The following PIK3C2A variants were observed in gnomAD, a reference collection of about 807,000 sequenced individuals.
PIK3C2A encodes phosphatidylinositol 4-phosphate 3-kinase C2 domain-containing subunit alpha.
PIK3C2A carries 97 observed loss-of-function variants against 204.5 expected under a neutral mutation model. The ratio of observed to expected loss-of-function variants is 0.47; its 90% CI spans 0.40 to 0.56. PIK3C2A has a LOEUF of 0.56. Ranked by LOEUF, PIK3C2A falls within the 20% of genes least tolerant of loss-of-function variation. The pLI, the probability that PIK3C2A is intolerant of heterozygous loss-of-function variation, is 0.00. For synonymous variants in PIK3C2A, 653 were observed against 664.4 expected, an observed-to-expected ratio of 0.98 and a Z score of 0.26; for missense variants, 1,735 against 1,969.2, an observed-to-expected ratio of 0.88 and a Z score of 2.25.
chr11:17,196,913 A>G (rs1317112617), intron 1 of PIK3C2A, among the ~76,000 whole-genome samples: 1 of 152,106 alleles, frequency 6.6e-6, no homozygotes, highest in Non-Finnish European at 1.5e-5. Context: ...TCAGGGAAAA[A>G]AAAATTGGAG....
chr11:17,094,432 C>G (rs1848396538), intron 27 of PIK3C2A, 47 bp from the exon 28 acceptor site: 1 of 1,541,244 alleles, frequency 6.5e-7, no homozygotes, highest in African/African-American at 1.4e-5. Context: ...TATTTAAAAC[C>G]TTCTTTCCAG....
In PIK3C2A at chr11:17,169,366, A is replaced by T; in HGVS notation, c.376T>A (p.Ser126Thr). 2 of 1,613,964 alleles carry T rather than the reference A, an allele frequency of 1.2e-6. No individual in the cohort carries two copies. Among genetic ancestry groups the T allele is most frequent in the Non-Finnish European group, 8.5e-7 (1 of 1,179,978 alleles). Residue 126 changes from serine to threonine, a missense_variant, in exon 2 of 33, where the codon TCC becomes ACC. This residue lies in a region of PIK3C2A where 536 missense variants were observed against 546.7 expected (regional missense o/e 0.98). Coordinates refer to ENST00000691414, the MANE Select transcript of PIK3C2A (RefSeq NM_002645.4). The stretch of plus-strand genomic sequence containing the variant: ...CTAAAATAGAGCTGTGCTGAAAAGG[A>T]AGGGCTCAGAATAGGAGTAACTGGT... ...VLPVTPILSPSFSAQLYFRPT... is the reference protein window; with the variant it reads ...VLPVTPILSPTFSAQLYFRPT...
chr11:17,120,668 C>T (rs1590930739), intron 15 of PIK3C2A, among the ~76,000 whole-genome samples: 2 of 152,076 alleles, frequency 1.3e-5, no homozygotes, highest in South Asian at 4.1e-4. Flanking sequence ...TTTATTCATA[C>T]AGAGGCACAC....
chr11:17,154,932 T>A (rs554902726), intron 3 of PIK3C2A, among the ~76,000 whole-genome samples: 173 of 152,318 alleles, frequency 1.1e-3, no homozygotes, highest in African/African-American at 4.0e-3. Flanking sequence ...TATAGTGATA[T>A]AATGGGAAGA....
chr11:17,105,981 C>T (rs1254623312), intron 22 of PIK3C2A, among the ~76,000 whole-genome samples: 1 of 151,800 alleles, frequency 6.6e-6, no homozygotes, highest in Non-Finnish European at 1.5e-5. Flanking sequence ...TGGTGGTAGG[C>T]ACCTGTAATC....
At chr11:17,172,126 C>G (rs1851191059) in intron 1 of PIK3C2A, among the ~76,000 whole-genome samples, 1 of 152,118 alleles carries the variant, frequency 6.6e-6, no homozygotes, top group Admixed American at 6.6e-5. Context: ...AAATTCCTCC[C>G]ATTTCAACAC....
chr11:17,140,349 G>A lies in PIK3C2A; in HGVS notation c.1705-3724C>T, dbSNP rs571225920. ...AAGAAATTAAAACATATATCCATGG[G>A]CTCATACATAAATGTTTATAACAGC... On this transcript the variant is annotated intron_variant, in intron 8 of 32. Coordinates refer to ENST00000691414, the MANE Select transcript of PIK3C2A (RefSeq NM_002645.4). 3.5e-4 allele frequency among the ~76,000 whole-genome samples: 53 copies of A among 152,138 alleles called. No individual in the cohort carries two copies. In the South Asian group the frequency reaches 0.011, roughly 32 times the overall value.
At chr11:17,102,583 A>G in intron 24 of PIK3C2A, 79 bp downstream of exon 24, 1 of 1,226,502 alleles carries the variant, frequency 8.2e-7, no homozygotes. Context: ...CCGCGAGGCA[A>G]AACACAAAGC....
intron 5 of PIK3C2A, chr11:17,148,207 CAAAAA>C (rs5789974): frequency 3.0e-5 from 3 of 99,816 alleles, no homozygotes; most frequent in Admixed American, 9.5e-5. Context: ...AACTCCGTCT[CAAAAA>C]AAAAAAAAAA....
chr11:17,089,851 C>G lies in PIK3C2A; in HGVS notation c.4948G>C (p.Glu1650Gln). ...RELQLSVLSA[E>Q]SLRENFFLGG... The stretch of plus-strand genomic sequence containing the variant: ...AAGAAAAAATTCTCCCGCAGAGATT[C>G]TGCACTGAGTACACTTAGTTGAAGT... Residue 1650 changes from glutamate to glutamine, a missense_variant, in exon 33 of 33, where the codon GAA (glutamate) becomes CAA (glutamine). Glu to Gln is a conservative substitution (Grantham distance 29). Transcript: ENST00000691414. 6.2e-7 allele frequency: 1 copy of G among 1,613,754 alleles called. No individual in the cohort carries two copies. Among genetic ancestry groups the G allele is most frequent in the Non-Finnish European group, 8.5e-7 (1 of 1,179,684 alleles).
At chr11:17,100,257 G>C (rs1402814505) in intron 25 of PIK3C2A, among the ~76,000 whole-genome samples, 1 of 116,126 alleles carries the variant, frequency 8.6e-6, no homozygotes, top group Non-Finnish European at 1.8e-5. Flanking sequence ...GGCGGGGGGG[G>C]GGGGCAGGGA....
intron 1 of PIK3C2A, among the ~76,000 whole-genome samples, chr11:17,203,000 C>T (rs1852442434): frequency 6.6e-6 from 1 of 152,190 alleles, no homozygotes; most frequent in Admixed American, 6.5e-5. Context: ...AAGATAAATA[C>T]TTGTTGCTAA....
chr11:17,155,466 C>T (rs1278600946), intron 3 of PIK3C2A, 60 bp downstream of exon 3: 2 of 859,142 alleles, frequency 2.3e-6, no homozygotes, highest in East Asian at 4.9e-5. Context: ...GAATTATTAG[C>T]ACTAAACTGG....
intron 11 of PIK3C2A, among the ~76,000 whole-genome samples, chr11:17,133,289 G>A (rs1400143552): frequency 6.6e-6 from 1 of 151,916 alleles, no homozygotes; most frequent in African/African-American, 2.4e-5. Context: ...GTGTGCCTAT[G>A]GAGAATGTGA....
chr11:17,184,011 T>C (rs1392469325), intron 1 of PIK3C2A, among the ~76,000 whole-genome samples: 1 of 151,878 alleles, frequency 6.6e-6, no homozygotes, highest in Non-Finnish European at 1.5e-5. Context: ...TTTCAGCTCT[T>C]TGGGAGGCTG....
At chr11:17,178,037 G>A (rs758382557) in intron 1 of PIK3C2A, among the ~76,000 whole-genome samples, 3 of 135,314 alleles carry the variant, frequency 2.2e-5, no homozygotes, top group Non-Finnish European at 4.5e-5. Flanking sequence ...ATGTTGCAGT[G>A]AGCCGAGATC....
At chr11:17,154,602 T>C (rs781616783) in intron 3 of PIK3C2A, among the ~76,000 whole-genome samples, 1 of 152,130 alleles carries the variant, frequency 6.6e-6, no homozygotes, top group African/African-American at 2.4e-5. Flanking sequence ...ACAAGGACTG[T>C]TGTTCCACTC....
chr11:17,145,968 A>T, intron 6 of PIK3C2A, 26 bp from the exon 7 acceptor site: 2 of 1,536,360 alleles, frequency 1.3e-6, no homozygotes, highest in East Asian at 2.3e-5. Flanking sequence ...TACACAAAAA[A>T]ATCACATCCA....
At chr11:17,141,692 C>T (rs1187740362) in intron 8 of PIK3C2A, among the ~76,000 whole-genome samples, 1 of 152,158 alleles carries the variant, frequency 6.6e-6, no homozygotes, top group African/African-American at 2.4e-5. Flanking sequence ...CAGGATATCA[C>T]ATTACATTTA....
Sources: allele counts gnomAD v4.1 joint callset (sites outside exome capture counted in the v4.1 genomes callset), GRCh38; gene constraint gnomAD v4.1.1; regional missense constraint gnomAD v4.1.1; transcripts MANE v1.5; gene names NCBI Gene and HGNC (gene_info 2026-07-23, HGNC 2026-07-21).